The following GNAT3 variants were observed in gnomAD, a reference collection of about 807,000 sequenced individuals.
GNAT3 encodes the protein guanine nucleotide-binding protein G(t) subunit alpha-3.
Under a neutral mutation model 37.7 loss-of-function variants are expected in GNAT3, and 31 were observed. That is an observed-to-expected ratio of 0.82 (90% confidence interval 0.62 to 1.11). The LOEUF (loss-of-function observed/expected upper bound fraction) is 1.11, where lower values mean the gene tolerates loss of function less well. GNAT3 is among the 50% of genes most tolerant of loss of function. The probability of loss-of-function intolerance (pLI) is 0.00; values close to 1 mark genes in which losing one functional copy is unlikely to be tolerated. For synonymous variants in GNAT3, 138 were observed against 139.8 expected, an observed-to-expected ratio of 0.99 and a Z score of 0.09; for missense variants, 437 against 412.5, an observed-to-expected ratio of 1.06 and a Z score of -0.51.
intron 1 of GNAT3, among the ~76,000 whole-genome samples, chr7:80,503,897 A>C (rs2116227070): frequency 6.6e-6 from 1 of 152,302 alleles, no homozygotes; most frequent in South Asian, 2.1e-4. Flanking sequence ...ACAGACTAAA[A>C]CCCACCAAGG....
chr7:80,480,156 A>G (rs1162152663), intron 3 of GNAT3, among the ~76,000 whole-genome samples: 1 of 152,206 alleles, frequency 6.6e-6, no homozygotes, highest in African/African-American at 2.4e-5. Context: ...AGCCCAGGCA[A>G]ATGGAGAAGT....
At chr7:80,488,341 AC>A (rs1790528247) in intron 3 of GNAT3, among the ~76,000 whole-genome samples, 193 bp downstream of exon 3, 1 of 152,180 alleles carries the variant, frequency 6.6e-6, no homozygotes, top group Non-Finnish European at 1.5e-5. Context: ...GAATAATATT[AC>A]AGTATATAGT....
intron 1 of GNAT3, among the ~76,000 whole-genome samples, chr7:80,506,354 C>T (rs888176195): frequency 6.6e-6 from 1 of 152,076 alleles, no homozygotes; most frequent in East Asian, 1.9e-4. Flanking sequence ...GAGTGCCTTA[C>T]GAGCCTGCTT....
At chr7:80,511,510 T>A (rs1791063736) in intron 1 of GNAT3, among the ~76,000 whole-genome samples, 3 of 152,084 alleles carry the variant, frequency 2.0e-5, no homozygotes, top group Admixed American at 2.0e-4. Flanking sequence ...ATGATTAGGG[T>A]GCAATAAAAT....
At position 80,489,760 on chromosome 7, in the gene GNAT3, GA is replaced by G. The variant is rs567525141; in HGVS notation, c.162-1085del. 1.8e-4 allele frequency among the ~76,000 whole-genome samples: 27 copies of G among 152,090 alleles called. No individual in the cohort carries two copies. In the East Asian group the frequency reaches 4.3e-3, roughly 24 times the overall value. On this transcript the variant is annotated intron_variant, in intron 2 of 7. Coordinates refer to ENST00000398291, the MANE Select transcript of GNAT3 (RefSeq NM_001102386.3). ...GTAAATAAAATAGACAAAGGCTGTA[GA>G]AAAAAATGCAGTAAAATGTCTTTAT...
At chr7:80,482,689 AT>A (rs71079119) in intron 3 of GNAT3, among the ~76,000 whole-genome samples, 63,386 of 113,958 alleles carry the variant, frequency 0.56, 17,640 homozygotes, top group East Asian at 0.87. Context: ...AATTTTTGTA[AT>A]TTTTTTTTTT....
At chr7:80,489,400 A>G (rs1237980732) in intron 2 of GNAT3, among the ~76,000 whole-genome samples, 1 of 152,088 alleles carries the variant, frequency 6.6e-6, no homozygotes, top group East Asian at 1.9e-4. Flanking sequence ...TCTTTATTGT[A>G]TAATTTTTTT....
intron 1 of GNAT3, among the ~76,000 whole-genome samples, chr7:80,498,244 A>G (rs1790770276): frequency 6.6e-6 from 1 of 152,096 alleles, no homozygotes; most frequent in South Asian, 2.1e-4. Flanking sequence ...TTCTAAGGCT[A>G]CAGGGTATGT....
chr7:80,476,329 A>T (rs59107125), intron 4 of GNAT3, among the ~76,000 whole-genome samples: 18,417 of 150,470 alleles, frequency 0.12, 1,603 homozygotes, highest in African/African-American at 0.24. Flanking sequence ...AACATATATG[A>T]ATCTAATCAT....
intron 1 of GNAT3, 138 bp downstream of exon 1, chr7:80,511,671 T>C (rs1791066624): frequency 1.8e-6 from 1 of 558,146 alleles, no homozygotes; most frequent in African/African-American, 1.9e-5. Flanking sequence ...CAAATAAATT[T>C]TCCTTAAGTT....
intron 5 of GNAT3, among the ~76,000 whole-genome samples, chr7:80,463,521 A>C (rs1790086317): frequency 6.6e-6 from 1 of 151,946 alleles, no homozygotes; most frequent in Non-Finnish European, 1.5e-5. Flanking sequence ...CTTAGCATCA[A>C]TATCTCCTCC....
chr7:80,501,415 A>G (rs1167350891), intron 1 of GNAT3, among the ~76,000 whole-genome samples: 3 of 151,990 alleles, frequency 2.0e-5, no homozygotes, highest in Non-Finnish European at 2.9e-5. Flanking sequence ...TTTGAAATGC[A>G]TCTTCTAAGA....
At chr7:80,459,348 A>C (rs1243475965) in intron 7 of GNAT3, among the ~76,000 whole-genome samples, 1 of 152,216 alleles carries the variant, frequency 6.6e-6, no homozygotes, top group African/African-American at 2.4e-5. Context: ...TAGGGTCGGG[A>C]AACAGACTGA....
Position 80,489,619 on chromosome 7 carries a change from A to C in GNAT3, c.162-943T>G, listed in dbSNP as rs1790554006. Among the ~76,000 whole-genome samples, 3 of 152,276 alleles carry C rather than the reference A, an allele frequency of 2.0e-5. 1 individual carries two copies. In the South Asian group the frequency reaches 6.2e-4, roughly 32 times the overall value. On this transcript the variant is annotated intron_variant, in intron 2 of 7. Transcript: ENST00000398291. The stretch of plus-strand genomic sequence containing the variant: ...TCTGAACTGAAAGGAGTAAAGGCAC[A>C]GCCTATATTTGTTATTTGTTGTTTT...
intron 5 of GNAT3, among the ~76,000 whole-genome samples, chr7:80,471,415 T>A (rs1308485418): frequency 3.3e-5 from 5 of 151,842 alleles, no homozygotes. Context: ...TTTCAAAATT[T>A]TATGATTGTT....
At chr7:80,466,005 C>T (rs1443305810) in intron 5 of GNAT3, among the ~76,000 whole-genome samples, 5 of 152,070 alleles carry the variant, frequency 3.3e-5, no homozygotes, top group African/African-American at 1.2e-4. Context: ...AAACTGAAAC[C>T]ACCCTTTCTA....
intron 3 of GNAT3, among the ~76,000 whole-genome samples, chr7:80,484,152 A>G (rs140375876): frequency 3.9e-5 from 6 of 152,222 alleles, no homozygotes; most frequent in Non-Finnish European, 7.4e-5. Flanking sequence ...TTTTCCCTAC[A>G]GATTACTCAG....
chr7:80,505,121 A>G (rs553673208), intron 1 of GNAT3, among the ~76,000 whole-genome samples: 4 of 152,264 alleles, frequency 2.6e-5, no homozygotes, highest in African/African-American at 9.6e-5. Context: ...ATCAGTTGGG[A>G]GAAGTGTATC....
intron 4 of GNAT3, among the ~76,000 whole-genome samples, 186 bp from the exon 5 acceptor site, chr7:80,474,565 A>T (rs1442988278): frequency 6.6e-6 from 1 of 152,092 alleles, no homozygotes; most frequent in Non-Finnish European, 1.5e-5. Flanking sequence ...AAAAATGATA[A>T]ATTCTAGACA....
Sources: gnomAD v4.1 joint callset for allele counts (sites outside exome capture counted in the v4.1 genomes callset) on GRCh38, gnomAD v4.1.1 for gene constraint, MANE v1.5 for transcripts, NCBI Gene and HGNC (gene_info 2026-07-23, HGNC 2026-07-21) for gene names.